Variants in RELN observed in about 807,000 individuals in gnomAD.
The protein encoded by RELN is reelin.
In RELN, 108 loss-of-function variants were observed where a neutral mutation model predicts 427.6. The ratio of observed to expected loss-of-function variants is 0.25; its 90% CI spans 0.22 to 0.30. RELN has a LOEUF of 0.30. Ranked by LOEUF, RELN falls within the 10% of genes least tolerant of loss-of-function variation. The pLI is 1.00. For missense variants in RELN, 3,715 were observed against 4,302.8 expected (o/e 0.86, Z 3.82); for synonymous variants, 1,524 against 1,513.4 (o/e 1.01, Z -0.16).
chr7:103,843,964 C>T (rs1793616921), intron 2 of RELN, among the ~76,000 whole-genome samples: 1 of 152,102 alleles, frequency 6.6e-6, no homozygotes, highest in Non-Finnish European at 1.5e-5. Flanking sequence ...GCACTGCCTG[C>T]CCCCAGCCTC....
chr7:103,542,408 TAAAGA>T (rs965068242), intron 43 of RELN, among the ~76,000 whole-genome samples: 1 of 152,204 alleles, frequency 6.6e-6, no homozygotes, highest in Non-Finnish European at 1.5e-5. Flanking sequence ...TACAGAAAGA[TAAAGA>T]AGACACAATA....
At chr7:103,762,852 A>T (rs2214943) in intron 4 of RELN, among the ~76,000 whole-genome samples, 26,825 of 152,180 alleles carry the variant, frequency 0.18, 2,555 homozygotes, top group East Asian at 0.31. Flanking sequence ...TTACAAAAAA[A>T]GGCAGACAGC....
intron 10 of RELN, among the ~76,000 whole-genome samples, chr7:103,692,842 C>G (rs752822856): frequency 1.3e-5 from 2 of 151,932 alleles, no homozygotes; most frequent in African/African-American, 4.8e-5. Flanking sequence ...AATGGTTCCA[C>G]TAGCACAAAG....
At chr7:103,704,291 A>G (rs954810035) in intron 8 of RELN, among the ~76,000 whole-genome samples, 3 of 152,216 alleles carry the variant, frequency 2.0e-5, no homozygotes, top group African/African-American at 4.8e-5. Context: ...CTTCCTTTGT[A>G]TGATCAAGTA....
intron 62 of RELN, 59 bp downstream of exon 62, chr7:103,483,594 C>T (rs1828317668): frequency 1.3e-6 from 2 of 1,564,340 alleles, no homozygotes; most frequent in African/African-American, 2.7e-5. Flanking sequence ...CTTTGTGATT[C>T]CCAGGGATTC....
chr7:103,893,062 T>C (rs1794884089), intron 2 of RELN, among the ~76,000 whole-genome samples: 1 of 152,084 alleles, frequency 6.6e-6, no homozygotes, highest in African/African-American at 2.4e-5. Flanking sequence ...TCCAAGTTCA[T>C]GGGTAGAGGA....
At chr7:103,567,520 T>C (rs1830781654) in intron 31 of RELN, among the ~76,000 whole-genome samples, 1 of 152,122 alleles carries the variant, frequency 6.6e-6, no homozygotes, top group South Asian at 2.1e-4. Flanking sequence ...GATGAAACTG[T>C]GGGAATCAAT....
chr7:103,927,166 C>T (rs996822754), intron 1 of RELN, among the ~76,000 whole-genome samples: 4 of 152,144 alleles, frequency 2.6e-5, no homozygotes, highest in Non-Finnish European at 5.9e-5. Flanking sequence ...TGATCAGACC[C>T]TGTGGGTGTG....
chr7:103,802,931 G>A (rs1209503033), intron 3 of RELN, among the ~76,000 whole-genome samples: 1 of 152,066 alleles, frequency 6.6e-6, no homozygotes, highest in Non-Finnish European at 1.5e-5. Flanking sequence ...TTCACATGAA[G>A]TAAATCAACA....
chr7:103,904,473 C>T (rs931776846), intron 2 of RELN, among the ~76,000 whole-genome samples: 2 of 152,168 alleles, frequency 1.3e-5, no homozygotes, highest in African/African-American at 4.8e-5. Flanking sequence ...TTCCCACCAA[C>T]AGTGTAAAAG....
At chr7:103,752,415 A>ATT (rs201896863) in intron 5 of RELN, among the ~76,000 whole-genome samples, 1 of 151,560 alleles carries the variant, frequency 6.6e-6, no homozygotes, top group Non-Finnish European at 1.5e-5. Context: ...TCTCATTTCA[A>ATT]TTTTTTTTTA....
At chr7:103,652,970 G>A (rs1343879013) in intron 13 of RELN, among the ~76,000 whole-genome samples, 4 of 152,018 alleles carry the variant, frequency 2.6e-5, no homozygotes, top group Admixed American at 1.3e-4. Flanking sequence ...TCCTGTGCAC[G>A]AGGTGGGGGT....
At chr7:103,861,995 T>C (rs531133939) in intron 2 of RELN, among the ~76,000 whole-genome samples, 40 of 152,268 alleles carry the variant, frequency 2.6e-4, no homozygotes, top group African/African-American at 9.4e-4. Context: ...CATAGAAGTA[T>C]GCAAAAATAA....
At chr7:103,526,641 A>C (rs749774108) in intron 46 of RELN, among the ~76,000 whole-genome samples, 1 of 152,194 alleles carries the variant, frequency 6.6e-6, no homozygotes, top group Non-Finnish European at 1.5e-5. Context: ...AGAGTTTGGA[A>C]GTTGAATTGC....
At chr7:103,854,170 C>T (rs1793889642) in intron 2 of RELN, among the ~76,000 whole-genome samples, 1 of 152,108 alleles carries the variant, frequency 6.6e-6, no homozygotes, top group South Asian at 2.1e-4. Context: ...TGTAGATTCA[C>T]CAACCTGTTT....
intron 1 of RELN, among the ~76,000 whole-genome samples, chr7:103,982,441 AT>A (rs1319860198): frequency 5.3e-5 from 8 of 152,208 alleles, no homozygotes; most frequent in Non-Finnish European, 2.9e-5. Flanking sequence ...ATTTGTTTTC[AT>A]ATTACTATCA....
At chr7:103,537,965 T>C (rs1261009346) in intron 45 of RELN, among the ~76,000 whole-genome samples, 1 of 152,246 alleles carries the variant, frequency 6.6e-6, no homozygotes, top group Non-Finnish European at 1.5e-5. Context: ...CATTACATTT[T>C]GTATCAGCAC....
At chr7:103,616,819 G>T (rs1172864480) in intron 20 of RELN, among the ~76,000 whole-genome samples, 2 of 151,908 alleles carry the variant, frequency 1.3e-5, no homozygotes, top group Admixed American at 1.3e-4. Context: ...ATTTGGTGAG[G>T]TTGTTTTCAC....
Position 103,529,376 on chromosome 7 carries a change from A to G in RELN, c.7350-5845T>C, listed in dbSNP as rs1829891768. On this transcript the variant is annotated intron_variant, in intron 46 of 64. Coordinates refer to ENST00000428762, the MANE Select transcript of RELN (RefSeq NM_005045.4). ...AGGTCATTAGGGCTAGTAGAAGGGA[A>G]TAGATAATCTTCAAACTGTGACTTA... Among the ~76,000 whole-genome samples the G allele has an allele frequency of 2.0e-5, 3 of 151,946 alleles. No homozygotes were observed. The South Asian group carries it at 6.2e-4, about 32-fold the overall frequency.
Sources: gnomAD v4.1 joint callset for allele counts (sites outside exome capture counted in the v4.1 genomes callset) on GRCh38, gnomAD v4.1.1 for gene constraint, MANE v1.5 for transcripts, NCBI Gene and HGNC (gene_info 2026-07-23, HGNC 2026-07-21) for gene names.